The following DIDO1 variants were observed in gnomAD, a reference collection of about 807,000 sequenced individuals.
The protein encoded by DIDO1 is death inducer-obliterator 1.
In DIDO1, 16 loss-of-function variants were observed where a neutral mutation model predicts 99.4. That is an observed-to-expected ratio of 0.16 (90% CI 0.11 to 0.24). The LOEUF is 0.24. Among genes scored for constraint, DIDO1 ranks in the 10% least tolerant of loss-of-function variants. The pLI is 1.00. For synonymous variants in DIDO1, 1,366 were observed against 1,239.1 expected (o/e 1.10, Z -2.15); for missense variants, 2,996 against 3,014.0 (o/e 0.99, Z 0.14).
At chr20:62,897,099 G>T in intron 6 of DIDO1, 103 bp from the exon 7 acceptor site, 1 of 1,045,234 alleles carries the variant, frequency 9.6e-7, no homozygotes, top group Non-Finnish European at 1.4e-6. Context: ...GTGCCCACCT[G>T]GCATTACTGA....
intron 6 of DIDO1, among the ~76,000 whole-genome samples, chr20:62,900,172 G>A (rs955317165): frequency 2.6e-5 from 4 of 152,208 alleles, no homozygotes; most frequent in African/African-American, 4.8e-5. Context: ...TGATGCCTGA[G>A]AGCCAGGGGT....
intron 6 of DIDO1, 162 bp downstream of exon 6, chr20:62,905,725 G>A (rs1372204620): frequency 6.2e-7 from 1 of 1,607,286 alleles, no homozygotes; most frequent in Non-Finnish European, 8.5e-7. Context: ...AGGGCAGCAG[G>A]AGGCATCCTG....
chr20:62,885,099 T>C (rs550934675), intron 15 of DIDO1, among the ~76,000 whole-genome samples: 73 of 152,374 alleles, frequency 4.8e-4, no homozygotes, highest in African/African-American at 1.7e-3. Flanking sequence ...ATGGCCTTCC[T>C]GGACCATACA....
chr20:62,907,236 G>A lies in DIDO1; in HGVS notation c.1285C>T (p.Leu429=), dbSNP rs559311561. 1.4e-5 allele frequency: 22 copies of A among 1,614,222 alleles called. No homozygotes were observed. The African/African-American group carries it at 2.3e-4, about 17-fold the overall frequency. ...GGCTTCTGTTCTTTACCTGAGCTTA[G>A]AAACTTCATTGTCGCTGCGGCGTGT... The part of the protein sequence containing the change: ...LKHAAATMKF[L]SSGKEQKPKP... The change falls in exon 5 of 16, where the codon CTA becomes TTA. Residue 429 remains leucine (L), a synonymous_variant. Transcript: ENST00000395343.
At position 62,911,099 on chromosome 20, in the gene DIDO1, G is replaced by A. The variant is rs201361450; in HGVS notation, c.514C>T (p.Arg172Trp). The A allele has an allele frequency of 3.2e-5, 52 of 1,613,766 alleles. No homozygotes were observed. The highest frequency in any genetic ancestry group is 2.2e-5 in the East Asian group (1 of 44,882). Residue 172 changes from arginine to tryptophan, a missense_variant, in exon 3 of 16, where the codon CGG becomes TGG. Transcript: ENST00000395343. This position sits in a 1 kb window ranked among gnomAD's most constrained non-coding sequence, Gnocchi z 7.0. ...KELQNRLRRKREQEPTERPLK... is the reference protein window; with the variant it reads ...KELQNRLRRKWEQEPTERPLK... ...GGCCTCTCAGTGGGCTCCTGTTCCC[G>A]CTTCCTGCGAAGGCGATTCTGAAGC...
In DIDO1 at chr20:62,892,456, G is replaced by A. The variant is rs1386785191; in HGVS notation, c.3255+353C>T. Among the ~76,000 whole-genome samples, 7 of 152,130 alleles carry A rather than the reference G, an allele frequency of 4.6e-5. 1 individual carries two copies. Among genetic ancestry groups the A allele is most frequent in the Admixed American group, 2.0e-4 (3 of 15,274 alleles). On this transcript the variant is annotated intron_variant, in intron 13 of 15. Coordinates refer to ENST00000395343, the MANE Select transcript of DIDO1 (RefSeq NM_001193369.2). ...AAAGGCCTGCCACGGGGTCATATGC[G>A]CCACCCCGCAAGTGGCCAGGTGTGT...
intron 6 of DIDO1, chr20:62,904,962 T>TA: frequency 1.0e-6 from 1 of 983,860 alleles, no homozygotes; most frequent in Non-Finnish European, 1.2e-6. Flanking sequence ...CGGTGCTTTT[T>TA]AAAAAAAGCA....
chr20:62,909,308 G>A (rs913554896), intron 4 of DIDO1, among the ~76,000 whole-genome samples: 3 of 152,214 alleles, frequency 2.0e-5, no homozygotes, highest in Non-Finnish European at 4.4e-5. Context: ...CAACACAGCT[G>A]CAAGACAGAG....
chr20:62,910,177 A>G (rs929577815), intron 3 of DIDO1, among the ~76,000 whole-genome samples, 157 bp from the exon 4 acceptor site: 4 of 152,224 alleles, frequency 2.6e-5, no homozygotes, highest in African/African-American at 4.8e-5. Context: ...TGATTTTAAC[A>G]TTCAACCAAA....
chr20:62,897,895 G>C (rs76847499), intron 6 of DIDO1, among the ~76,000 whole-genome samples: 2 of 152,216 alleles, frequency 1.3e-5, no homozygotes, highest in East Asian at 3.9e-4. Flanking sequence ...TAGTGGAGCA[G>C]AGTGAAACGC....
At chr20:62,914,811 G>C (rs2147525342) in intron 1 of DIDO1, among the ~76,000 whole-genome samples, 1 of 152,304 alleles carries the variant, frequency 6.6e-6, no homozygotes, top group East Asian at 1.9e-4. Context: ...AAGTGAAAAG[G>C]CTGAACATCG....
At chr20:62,923,193 T>C (rs1053979534) in intron 1 of DIDO1, among the ~76,000 whole-genome samples, 3 of 151,860 alleles carry the variant, frequency 2.0e-5, no homozygotes, top group African/African-American at 7.3e-5. Flanking sequence ...TTATTTTTTT[T>C]TTGAGACAGA....
At chr20:62,884,236 G>A (rs143287155) in intron 15 of DIDO1, among the ~76,000 whole-genome samples, 1 of 152,204 alleles carries the variant, frequency 6.6e-6, no homozygotes, top group Non-Finnish European at 1.5e-5. Flanking sequence ...TATTCCCAAC[G>A]TCGTAAGTTG....
intron 12 of DIDO1, among the ~76,000 whole-genome samples, chr20:62,893,348 G>T (rs148664905): frequency 1.6e-4 from 24 of 152,204 alleles, no homozygotes; most frequent in African/African-American, 5.3e-4. Flanking sequence ...GTGAACGCTT[G>T]CAAGTTTTAC....
rs145868586 is a variant in DIDO1 at position 62,896,622 on chromosome 20, G to A, written c.1963C>T (p.Arg655Cys). Reference sequence around the variant, plus strand: ...GGTGCAGCACTCATAGCCCCAAGGCGTCCTGGGGCTGGCGAGGCCATTGGA... The same window carrying A: ...GGTGCAGCACTCATAGCCCCAAGGCATCCTGGGGCTGGCGAGGCCATTGGA... ...SVPMASPAPG[R>C]LGAMSAAPSQ... is the part of the protein sequence containing the mutation. Residue 655 changes from arginine (R) to cysteine (C), a missense_variant, in exon 7 of 16, where the codon CGC becomes TGC. Physicochemically the swap from Arg to Cys is radical, Grantham distance 180 (BLOSUM62 -3). Around this residue, in one of 5 missense-constraint regions of DIDO1, gnomAD observed 898 missense variants for 972.7 expected, o/e 0.92. Transcript: ENST00000395343. This position sits in a 1 kb window ranked among gnomAD's most constrained non-coding sequence, Gnocchi z 4.4. 75 of 1,613,918 alleles carry A rather than the reference G, an allele frequency of 4.6e-5. No individual in the cohort carries two copies. In the Admixed American group the frequency reaches 5.2e-4, roughly 11 times the overall value.
rs2064151518 is a variant in DIDO1 at position 62,879,173 on chromosome 20, A to G, written c.*60T>C. ...TAAGATCGTGGCTATTTCAAAAGCT[A>G]TTTGTTCAACGCATCTTACGAACGT... is the stretch of plus-strand genomic sequence containing the variant. On this transcript the variant is annotated 3_prime_UTR_variant, in exon 16 of 16. Coordinates refer to ENST00000395343, the MANE Select transcript of DIDO1 (RefSeq NM_001193369.2). This position sits in a 1 kb window ranked among gnomAD's most constrained non-coding sequence, Gnocchi z 6.3. The G allele has an allele frequency of 1.4e-6, 2 of 1,387,018 alleles. No individual in the cohort carries two copies. Among genetic ancestry groups the G allele is most frequent in the South Asian group, 1.6e-5 (1 of 61,908 alleles). 85.9% of individuals were successfully genotyped at this position (1,387,018 alleles called of 1,614,324 possible). A position where few individuals can be genotyped will look rare whatever the true frequency, so the allele number is the denominator to read the frequency against.
chr20:62,891,592 G>T (rs542643512), intron 14 of DIDO1, among the ~76,000 whole-genome samples: 3 of 152,222 alleles, frequency 2.0e-5, no homozygotes, highest in Admixed American at 6.5e-5. Context: ...CCCTGAGCCT[G>T]ATCACCCCTG....
At chr20:62,887,601 C>G (rs980856890) in intron 15 of DIDO1, 63 of 985,404 alleles carry the variant, frequency 6.4e-5, no homozygotes, top group Non-Finnish European at 7.5e-5. Flanking sequence ...ACCAAGGCTC[C>G]GAGGCCTGCG....
At chr20:62,921,345 T>C (rs1035176743) in intron 1 of DIDO1, among the ~76,000 whole-genome samples, 1 of 152,258 alleles carries the variant, frequency 6.6e-6, no homozygotes, top group Non-Finnish European at 1.5e-5. Flanking sequence ...CCTGCCAGTC[T>C]GGTAACCGCT....
Sources: allele counts gnomAD v4.1 joint callset (sites outside exome capture counted in the v4.1 genomes callset), GRCh38; gene constraint gnomAD v4.1.1; regional missense constraint gnomAD v4.1.1; non-coding constraint Gnocchi (gnomAD v3.1); transcripts MANE v1.5; gene names NCBI Gene and HGNC (gene_info 2026-07-23, HGNC 2026-07-21).